Variants in INTU observed in about 807,000 individuals in gnomAD.
INTU encodes the protein inturned planar cell polarity protein.
In INTU, 68 loss-of-function variants were observed where a neutral mutation model predicts 100.5. That is an observed-to-expected ratio of 0.68 (90% CI 0.56 to 0.83). The LOEUF is 0.83. Ranked by LOEUF, INTU falls within the 40% of genes least tolerant of loss-of-function variation. The pLI is 0.00. For synonymous variants in INTU, 357 were observed against 395.7 expected, an observed-to-expected ratio of 0.90 and a Z score of 1.16; for missense variants, 1,071 against 1,114.7, an observed-to-expected ratio of 0.96 and a Z score of 0.56.
chr4:127,694,179 A>T (rs1730278974), intron 8 of INTU, among the ~76,000 whole-genome samples: 1 of 151,944 alleles, frequency 6.6e-6, no homozygotes. Flanking sequence ...GATAGAATTT[A>T]TCTGTGAGTC....
At chr4:127,651,091 T>G (rs1727846851) in intron 2 of INTU, among the ~76,000 whole-genome samples, 1 of 152,112 alleles carries the variant, frequency 6.6e-6, no homozygotes, top group African/African-American at 2.4e-5. Context: ...TAAATTTGTT[T>G]GAGTTCATTG....
intron 9 of INTU, among the ~76,000 whole-genome samples, chr4:127,702,357 A>G (rs1207842316): frequency 6.6e-6 from 1 of 152,224 alleles, no homozygotes. Flanking sequence ...TTAAACCAAG[A>G]GAACTGAAAG....
At chr4:127,657,413 G>C (rs1294146171) in intron 3 of INTU, among the ~76,000 whole-genome samples, 1 of 152,022 alleles carries the variant, frequency 6.6e-6, no homozygotes, top group Non-Finnish European at 1.5e-5. Flanking sequence ...TCTTTTTGGG[G>C]GGATAGGGAA....
chr4:127,663,675 T>C (rs1728576815), intron 4 of INTU, 91 bp downstream of exon 4: 4 of 909,788 alleles, frequency 4.4e-6, no homozygotes, highest in Non-Finnish European at 5.1e-6. Flanking sequence ...CAGTGAATAG[T>C]GAGTATATTT....
intron 2 of INTU, among the ~76,000 whole-genome samples, chr4:127,653,115 T>A (rs1407120320): frequency 7.3e-5 from 11 of 150,674 alleles, no homozygotes; most frequent in East Asian, 3.9e-4. Flanking sequence ...TCTCTCTTTT[T>A]TTCTTTATTA....
chr4:127,645,402 A>G (rs1727531779), intron 2 of INTU, among the ~76,000 whole-genome samples: 1 of 152,136 alleles, frequency 6.6e-6, no homozygotes, highest in African/African-American at 2.4e-5. Flanking sequence ...ACCAGATGTG[A>G]GTGAGAAGCC....
intron 3 of INTU, among the ~76,000 whole-genome samples, chr4:127,660,350 G>A (rs185548534): frequency 5.7e-4 from 87 of 152,318 alleles, no homozygotes; most frequent in African/African-American, 2.1e-3. Flanking sequence ...AGTCAGACTC[G>A]ATTCCCTCAG....
chr4:127,655,832 C>T (rs1728180082), intron 2 of INTU, among the ~76,000 whole-genome samples: 2 of 152,230 alleles, frequency 1.3e-5, no homozygotes, highest in Non-Finnish European at 1.5e-5. Flanking sequence ...CTCGCTGCCG[C>T]CTTGCAGTTT....
At chr4:127,703,084 A>C (rs1279908465) in intron 9 of INTU, among the ~76,000 whole-genome samples, 1 of 152,202 alleles carries the variant, frequency 6.6e-6, no homozygotes, top group Non-Finnish European at 1.5e-5. Flanking sequence ...ATAAATAATC[A>C]TACAGTAGGT....
intron 8 of INTU, among the ~76,000 whole-genome samples, chr4:127,698,799 A>G (rs1273040499): frequency 2.6e-5 from 4 of 152,202 alleles, no homozygotes; most frequent in African/African-American, 7.2e-5. Flanking sequence ...AGAGTTTAGT[A>G]GCAGGAATAG....
intron 12 of INTU, among the ~76,000 whole-genome samples, chr4:127,707,643 CTGTG>C (rs559591609): frequency 6.7e-6 from 1 of 149,322 alleles, no homozygotes; most frequent in Non-Finnish European, 1.5e-5. Flanking sequence ...ATTTGTGTGT[CTGTG>C]TGTGTGTGTG....
intron 4 of INTU, among the ~76,000 whole-genome samples, chr4:127,666,535 T>G (rs890445518): frequency 2.6e-5 from 4 of 152,154 alleles, no homozygotes; most frequent in Non-Finnish European, 5.9e-5. Context: ...CCTAGCCCAG[T>G]ACTCAGTGTC....
At chr4:127,670,966 GTTAGA>G (rs1277879627) in intron 5 of INTU, among the ~76,000 whole-genome samples, 3 of 152,032 alleles carry the variant, frequency 2.0e-5, no homozygotes, top group Non-Finnish European at 4.4e-5. Flanking sequence ...ATGAACTCAA[GTTAGA>G]TTAAAGACTT....
At chr4:127,660,525 C>T (rs1728430448) in intron 3 of INTU, among the ~76,000 whole-genome samples, 1 of 152,170 alleles carries the variant, frequency 6.6e-6, no homozygotes, top group Non-Finnish European at 1.5e-5. Context: ...ACAGCCTCCC[C>T]AGGTCCCATC....
chr4:127,658,578 C>G (rs1728339381), intron 3 of INTU, among the ~76,000 whole-genome samples: 1 of 152,184 alleles, frequency 6.6e-6, no homozygotes, highest in South Asian at 2.1e-4. Flanking sequence ...GAGGGATCCC[C>G]TTTTCTTGCC....
At chr4:127,660,259 G>A (rs994942242) in intron 3 of INTU, among the ~76,000 whole-genome samples, 1 of 152,162 alleles carries the variant, frequency 6.6e-6, no homozygotes, top group Non-Finnish European at 1.5e-5. Flanking sequence ...AGTCCAAGAA[G>A]CCTTCCAAGT....
At chr4:127,656,068 G>T (rs577542532) in intron 2 of INTU, among the ~76,000 whole-genome samples, 2 of 152,180 alleles carry the variant, frequency 1.3e-5, no homozygotes, top group Non-Finnish European at 2.9e-5. Context: ...GCAATGCCTC[G>T]CCCTGCTTTG....
intron 10 of INTU, 56 bp downstream of exon 10, chr4:127,704,346 T>C: frequency 7.9e-7 from 1 of 1,264,612 alleles, no homozygotes; most frequent in South Asian, 1.3e-5. Context: ...GAACTAAATT[T>C]TCAAAACTTT....
At chr4:127,664,551 C>T (rs1728612740) in intron 4 of INTU, among the ~76,000 whole-genome samples, 1 of 151,920 alleles carries the variant, frequency 6.6e-6, no homozygotes, top group African/African-American at 2.4e-5. Flanking sequence ...TTGTTAGGTG[C>T]ATTAATGTTT....
Sources: allele counts gnomAD v4.1 joint callset (sites outside exome capture counted in the v4.1 genomes callset), GRCh38; gene constraint gnomAD v4.1.1; transcripts MANE v1.5; gene names NCBI Gene and HGNC (gene_info 2026-07-23, HGNC 2026-07-21).